The following ELFN2 variants were observed in gnomAD, a reference collection of about 807,000 sequenced individuals.
The protein encoded by ELFN2 is extracellular leucine rich repeat and fibronectin type III domain containing 2.
Under a neutral mutation model 45.5 loss-of-function variants are expected in ELFN2, and 17 were observed. The observed-to-expected ratio is 0.37, with a 90% confidence interval of 0.26 to 0.56. The LOEUF (loss-of-function observed/expected upper bound fraction) is 0.56, where lower values mean the gene tolerates loss of function less well. ELFN2 is among the 20% of genes least tolerant of loss of function. The probability of loss-of-function intolerance (pLI) is 0.77; values close to 1 mark genes in which losing one functional copy is unlikely to be tolerated. For synonymous variants in ELFN2, 550 were observed against 551.5 expected (o/e 1.00, Z 0.04); for missense variants, 922 against 1,183.2 (o/e 0.78, Z 3.24).
chr22:37,410,391 G>A (rs1277197752), intron 2 of ELFN2, among the ~76,000 whole-genome samples: 1 of 152,168 alleles, frequency 6.6e-6, no homozygotes, highest in Non-Finnish European at 1.5e-5. Flanking sequence ...CCGAGCCAGC[G>A]CCTCACCTCT....
intron 2 of ELFN2, among the ~76,000 whole-genome samples, chr22:37,377,944 G>A (rs1000523722): frequency 6.6e-6 from 1 of 152,226 alleles, no homozygotes; most frequent in Non-Finnish European, 1.5e-5. Context: ...CCCACAGGTA[G>A]CAAGGTTGTA....
chr22:37,355,580 T>C (rs991821212), intron 1 of ELFN2, among the ~76,000 whole-genome samples: 3 of 151,708 alleles, frequency 2.0e-5, no homozygotes, highest in African/African-American at 7.3e-5. Context: ...CCATCGATTG[T>C]GGCCTTGTCT....
At position 37,417,209 on chromosome 22, in the gene ELFN2, G is replaced by A. The variant is rs750655469; in HGVS notation, c.-463+560C>T. Among the ~76,000 whole-genome samples, 28 of 152,102 alleles carry A rather than the reference G, an allele frequency of 1.8e-4. No homozygotes were observed. Among genetic ancestry groups the A allele is most frequent in the Admixed American group, 1.3e-3 (20 of 15,270 alleles). On this transcript the variant is annotated intron_variant, in intron 2 of 2. Coordinates refer to ENST00000402918, the MANE Select transcript of ELFN2 (RefSeq NM_052906.5). This position sits in a 1 kb window ranked among gnomAD's most constrained non-coding sequence, Gnocchi z 4.5. ...TCTGCCTGCCTGTCTGCCTGTTTGC[G>A]GCCTCCTAGTGCCAGACGGCTCTCC...
rs760100008 is a variant in ELFN2, at chr22:37,373,807, G to A, written c.1728C>T (p.Phe576=). Residue 576 remains phenylalanine (F), a synonymous_variant, in exon 3 of 3, where the codon TTC becomes TTT. Coordinates refer to ENST00000402918, the MANE Select transcript of ELFN2 (RefSeq NM_052906.5). ...GSSSGDPELA[F]ECQSLPAAAA... ...CAGCTGCAGGGAGGGACTGGCACTC[G>A]AAGGCCAGCTCGGGGTCCCCACTGC... 1.8e-5 allele frequency: 29 copies of A among 1,612,222 alleles called. No individual in the cohort carries two copies. In the South Asian group the frequency reaches 2.2e-4, roughly 12 times the overall value.
At chr22:37,386,789 C>T (rs920692943) in intron 2 of ELFN2, among the ~76,000 whole-genome samples, 2 of 152,240 alleles carry the variant, frequency 1.3e-5, no homozygotes, top group Admixed American at 6.5e-5. Flanking sequence ...CTCCGCGTGG[C>T]CAGTCCACCA....
intron 1 of ELFN2, among the ~76,000 whole-genome samples, chr22:37,422,381 T>G (rs1357156520): frequency 7.8e-6 from 1 of 128,408 alleles, no homozygotes; most frequent in African/African-American, 3.4e-5. Flanking sequence ...TAAGAATTCG[T>G]TTTTTTTGTT....
At chr22:37,388,085 A>C (rs1931999669) in intron 2 of ELFN2, among the ~76,000 whole-genome samples, 6 of 150,346 alleles carry the variant, frequency 4.0e-5, no homozygotes, top group Admixed American at 3.3e-4. Flanking sequence ...CTCTACCTCC[A>C]ACCCTACCTC....
At chr22:37,425,372 C>T (rs1022676300) in intron 1 of ELFN2, among the ~76,000 whole-genome samples, 4 of 152,162 alleles carry the variant, frequency 2.6e-5, no homozygotes, top group Non-Finnish European at 5.9e-5. Context: ...GGAAAGGGGT[C>T]CCATGCCCAC....
intron 1 of ELFN2, among the ~76,000 whole-genome samples, chr22:37,423,138 G>A (rs1932822769): frequency 6.6e-6 from 1 of 152,142 alleles, no homozygotes; most frequent in Non-Finnish European, 1.5e-5. Flanking sequence ...CTGTCACCCG[G>A]GGGAGCCCTC....
chr22:37,419,497 C>T (rs914121607), intron 1 of ELFN2, among the ~76,000 whole-genome samples: 3 of 152,014 alleles, frequency 2.0e-5, no homozygotes, highest in Non-Finnish European at 4.4e-5. Context: ...AACACAGGGG[C>T]GCCCCACACA....
At chr22:37,415,979 A>G (rs189189210) in intron 2 of ELFN2, among the ~76,000 whole-genome samples, 71 of 152,284 alleles carry the variant, frequency 4.7e-4, no homozygotes, top group African/African-American at 1.3e-3. Flanking sequence ...AAATAATAAT[A>G]ATGATGATGG....
chr22:37,362,125 T>C (rs952464742), intron 1 of ELFN2, among the ~76,000 whole-genome samples: 4 of 152,272 alleles, frequency 2.6e-5, no homozygotes, highest in East Asian at 1.9e-4. Context: ...GCTTGGAGCA[T>C]GGTCAAGTGG....
In ELFN2 at chr22:37,357,127, T is replaced by C. The variant is rs564688817; in HGVS notation, n.149-14424A>G. ...TCCCCAAGGTCTCCTCACTGCCCCATAAGGGCTGCTGGAGCCCCAACCATT... is the reference window on the plus strand; with the variant it reads ...TCCCCAAGGTCTCCTCACTGCCCCACAAGGGCTGCTGGAGCCCCAACCATT... On this transcript the variant is annotated intron_variant and non_coding_transcript_variant, in intron 1 of 2. Coordinates refer to ENST00000452946, the Ensembl canonical transcript of ELFN2. Among the ~76,000 whole-genome samples the C allele has an allele frequency of 1.5e-3, 211 of 136,248 alleles. 2 individuals are homozygous for C. Among genetic ancestry groups the C allele is most frequent in the African/African-American group, 5.3e-3 (201 of 37,626 alleles). 89.4% of individuals were successfully genotyped at this position (136,248 alleles called of 152,430 possible).
At chr22:37,349,959 C>A (rs1054521666) in intron 1 of ELFN2, among the ~76,000 whole-genome samples, 20 of 150,992 alleles carry the variant, frequency 1.3e-4, no homozygotes, top group African/African-American at 4.6e-4. Flanking sequence ...CTGAGGGATG[C>A]TCCCCATGAG....
chr22:37,353,292 C>A lies in ELFN2; in HGVS notation n.149-10589G>T, dbSNP rs941830676. ...GGAGGAGCAGAGTCCCTCATGGGGT[C>A]TAGTCCAATCGAGTTACTTTTATAA... On this transcript the variant is annotated intron_variant and non_coding_transcript_variant, in intron 1 of 2. Transcript: ENST00000452946. 1.3e-4 allele frequency: 20 copies of A among 151,060 alleles called. 1 individual carries two copies. The highest frequency in any genetic ancestry group is 1.1e-3 in the Admixed American group (17 of 15,158). The allele number at this position is 151,060 out of a possible 1,614,324, so 9.4% of individuals were successfully genotyped here. A position where few individuals can be genotyped will look rare whatever the true frequency, so the allele number is the denominator to read the frequency against.
At position 37,375,556 on chromosome 22, in the gene ELFN2, G is replaced by A. The variant is rs746998391; in HGVS notation, c.-22C>T. 9.2e-6 allele frequency: 14 copies of A among 1,523,704 alleles called. No homozygotes were observed. In the Admixed American group the frequency reaches 2.3e-4, roughly 25 times the overall value. The allele number at this position is 1,523,704 out of a possible 1,614,324, so 94.4% of individuals were successfully genotyped here. On this transcript the variant is annotated 5_prime_UTR_variant, in exon 3 of 3. Coordinates refer to ENST00000402918, the MANE Select transcript of ELFN2 (RefSeq NM_052906.5). Reference sequence around the variant, plus strand: ...GCATGGCGCTGGCCTCGGAGTGAGGGGCCAGGGCAAGGCAGGGGGTGCCTA... The same window carrying A: ...GCATGGCGCTGGCCTCGGAGTGAGGAGCCAGGGCAAGGCAGGGGGTGCCTA...
rs1224105746 is a variant in ELFN2, at chr22:37,374,204, C to A, written c.1331G>T (p.Gly444Val). Residue 444 changes from glycine to valine, a missense_variant, in exon 3 of 3, where the codon GGG (glycine) becomes GTG (valine). This residue lies in a region of ELFN2 where 564 missense variants were observed against 642.8 expected (regional missense o/e 0.88). Coordinates refer to ENST00000402918, the MANE Select transcript of ELFN2 (RefSeq NM_052906.5). Reference protein sequence around the residue: ...VKKTILEMRYGADVDAGSIVH... With the variant: ...VKKTILEMRYVADVDAGSIVH... Reference sequence around the variant, plus strand: ...AATGGAGCCGGCATCCACATCAGCCCCGTAGCGCATCTCCAGGATGGTCTT... The same window carrying A: ...AATGGAGCCGGCATCCACATCAGCCACGTAGCGCATCTCCAGGATGGTCTT... 3.7e-6 allele frequency: 6 copies of A among 1,613,680 alleles called. No individual in the cohort carries two copies. Among genetic ancestry groups the A allele is most frequent in the Non-Finnish European group, 4.2e-6 (5 of 1,180,038 alleles).
At chr22:37,426,637 GCACACACACACAAACA>G (rs1932853082) in intron 1 of ELFN2, among the ~76,000 whole-genome samples, 1 of 122,428 alleles carries the variant, frequency 8.2e-6, no homozygotes, top group Non-Finnish European at 1.9e-5. Context: ...GCACGCGCTC[GCACACACACACAAACA>G]CACACACACA....
At chr22:37,381,373 G>T (rs1393703614) in intron 2 of ELFN2, among the ~76,000 whole-genome samples, 1 of 152,080 alleles carries the variant, frequency 6.6e-6, no homozygotes, top group Non-Finnish European at 1.5e-5. Flanking sequence ...GAGAGATTTC[G>T]ATGTTTCCAT....
Sources: gnomAD v4.1 joint callset for allele counts (sites outside exome capture counted in the v4.1 genomes callset) on GRCh38, gnomAD v4.1.1 for gene constraint, gnomAD v4.1.1 regional missense constraint, Gnocchi (gnomAD v3.1) non-coding constraint, MANE v1.5 for transcripts, NCBI Gene and HGNC (gene_info 2026-07-23, HGNC 2026-07-21) for gene names.